The following OR51B5 variants were observed in gnomAD, a reference collection of about 807,000 sequenced individuals.
The protein encoded by OR51B5 is olfactory receptor 51B5.
For missense variants in OR51B5, 456 were observed against 374.6 expected, an observed-to-expected ratio of 1.22 and a Z score of -1.79; for synonymous variants, 186 against 144.8, an observed-to-expected ratio of 1.28 and a Z score of -2.04.
intron 1 of OR51B5, among the ~76,000 whole-genome samples, chr11:5,498,399 ACTTAAT>A (rs368572735): frequency 1.6e-4 from 24 of 152,224 alleles, no homozygotes; most frequent in East Asian, 5.8e-4. Context: ...GAAACATCAC[ACTTAAT>A]CTTAATCTTA....
chr11:5,341,771 A>G (rs1373898735), downstream of OR51B5, among the ~76,000 whole-genome samples: 2 of 152,068 alleles, frequency 1.3e-5, no homozygotes, highest in Admixed American at 1.3e-4. Flanking sequence ...TGTCTCTTCC[A>G]CTAATTTGGA....
chr11:5,347,112 C>T (rs138423109), upstream of OR51B5, among the ~76,000 whole-genome samples: 893 of 152,270 alleles, frequency 5.9e-3, 7 homozygotes, highest in African/African-American at 0.02. Flanking sequence ...AATCAAGCCA[C>T]TGGTAGGACC....
chr11:5,452,921 G>A (rs1850879212), intron 1 of OR51B5, among the ~76,000 whole-genome samples: 1 of 152,154 alleles, frequency 6.6e-6, no homozygotes, highest in Admixed American at 6.5e-5. Context: ...GACTGCCTCT[G>A]GAGGCAGTCA....
intron 1 of OR51B5, among the ~76,000 whole-genome samples, chr11:5,419,365 T>C (rs1411610188): frequency 2.0e-5 from 3 of 152,322 alleles, no homozygotes; most frequent in Non-Finnish European, 2.9e-5. Flanking sequence ...GCTTTGGAAT[T>C]CAACAGAACT....
At position 5,454,049 on chromosome 11, in the gene OR51B5, T is replaced by C. The variant is rs10450604; in HGVS notation, n.84+51520A>G. The C allele has an allele frequency of 1.7e-5, 28 of 1,614,180 alleles. No homozygotes were observed. The African/African-American group carries it at 3.6e-4, about 21-fold the overall frequency. On this transcript the variant is annotated intron_variant and non_coding_transcript_variant, in intron 1 of 4. Transcript: ENST00000415970. Reference sequence around the variant, plus strand: ...GCCTGCACCCAGACATGATGAGGCTTGCCTGTGCTGATATCAGTATCAACA... The same window carrying C: ...GCCTGCACCCAGACATGATGAGGCTCGCCTGTGCTGATATCAGTATCAACA...
intron 1 of OR51B5, among the ~76,000 whole-genome samples, chr11:5,495,909 T>C (rs1049134335): frequency 3.3e-5 from 5 of 152,308 alleles, no homozygotes; most frequent in Non-Finnish European, 7.4e-5. Context: ...ATAAAATTTG[T>C]AAGCAAAATA....
intron 1 of OR51B5, among the ~76,000 whole-genome samples, chr11:5,386,613 TAG>T (rs1849699478): frequency 6.6e-6 from 1 of 151,982 alleles, no homozygotes; most frequent in South Asian, 2.1e-4. Flanking sequence ...CAGTGATTCA[TAG>T]AGTTAGTACT....
chr11:5,485,595 C>T (rs958740501), intron 1 of OR51B5, among the ~76,000 whole-genome samples: 1 of 152,164 alleles, frequency 6.6e-6, no homozygotes, highest in Non-Finnish European at 1.5e-5. Flanking sequence ...CTTGCCTATG[C>T]TCCTTGCACC....
chr11:5,346,794 A>G (rs1016763676), upstream of OR51B5: 1 of 152,140 alleles, frequency 6.6e-6, no homozygotes, highest in African/African-American at 2.4e-5. Flanking sequence ...TACACTCTTT[A>G]TATATCTAGG....
chr11:5,396,467 G>A lies in OR51B5; in HGVS notation n.85-49557C>T, dbSNP rs150687544. Reference sequence around the variant, plus strand: ...TGAACTCCCATTCACAATTGCTTCAGAGAGAATATAATACCTAGGAATCCA... The same window carrying A: ...TGAACTCCCATTCACAATTGCTTCAAAGAGAATATAATACCTAGGAATCCA... On this transcript the variant is annotated intron_variant and non_coding_transcript_variant, in intron 1 of 4. Transcript: ENST00000415970. 5.9e-5 allele frequency among the ~76,000 whole-genome samples: 9 copies of A among 152,102 alleles called. 1 individual carries two copies. Among genetic ancestry groups the A allele is most frequent in the Admixed American group, 3.3e-4 (5 of 15,262 alleles).
chr11:5,346,668 G>C (rs1320578104), upstream of OR51B5, among the ~76,000 whole-genome samples: 4 of 152,194 alleles, frequency 2.6e-5, no homozygotes, highest in African/African-American at 9.7e-5. Context: ...AATTGCTTTT[G>C]AAGTTCTATC....
chr11:5,370,997 A>G (rs1443229736), intron 1 of OR51B5, among the ~76,000 whole-genome samples: 1 of 152,166 alleles, frequency 6.6e-6, no homozygotes, highest in Non-Finnish European at 1.5e-5. Context: ...TTCAGGAAAA[A>G]GACTTACACA....
intron 1 of OR51B5, among the ~76,000 whole-genome samples, chr11:5,368,503 G>A (rs539207184): frequency 1.3e-5 from 2 of 152,252 alleles, no homozygotes; most frequent in African/African-American, 4.8e-5. Context: ...TTGTGAAAAT[G>A]AGACAATTTG....
chr11:5,358,880 C>T (rs1197430699), intron 1 of OR51B5, among the ~76,000 whole-genome samples: 1 of 151,744 alleles, frequency 6.6e-6, no homozygotes, highest in African/African-American at 2.4e-5. Context: ...TAAACAGAAC[C>T]AAAGACAAAA....
rs16930165 is a variant in OR51B5 at position 5,370,940 on chromosome 11, C to T, written n.85-24030G>A. 6.0e-3 allele frequency among the ~76,000 whole-genome samples: 913 copies of T among 152,216 alleles called. 13 individuals carry two copies. The highest frequency in any genetic ancestry group is 0.02 in the African/African-American group (834 of 41,532). The stretch of plus-strand genomic sequence containing the variant: ...TGCCATAGTGGTATTGGTCCTGGAG[C>T]TCTGGTTCAATGAGCAGACAGAAGG... On this transcript the variant is annotated intron_variant and non_coding_transcript_variant, in intron 1 of 4. Transcript: ENST00000415970.
Position 5,395,896 on chromosome 11 carries a change from C to G in OR51B5, n.85-48986G>C, listed in dbSNP as rs764368392. Among the ~76,000 whole-genome samples, 7 of 152,144 alleles carry G rather than the reference C, an allele frequency of 4.6e-5. No homozygotes were observed. The South Asian group carries it at 1.4e-3, about 31-fold the overall frequency. On this transcript the variant is annotated intron_variant and non_coding_transcript_variant, in intron 1 of 4. Transcript: ENST00000415970. The stretch of plus-strand genomic sequence containing the variant: ...CACTGCAACATTGCTCACTGGAATG[C>G]TGGAAAGTACAACTAATAAAATGTG...
intron 1 of OR51B5, among the ~76,000 whole-genome samples, chr11:5,436,863 T>A (rs1850602341): frequency 6.6e-6 from 1 of 150,660 alleles, no homozygotes; most frequent in Non-Finnish European, 1.5e-5. Context: ...TTGAGGGAGC[T>A]TTGTGAAGTG....
intron 1 of OR51B5, among the ~76,000 whole-genome samples, chr11:5,426,313 C>T (rs1346927901): frequency 1.3e-5 from 2 of 151,960 alleles, no homozygotes; most frequent in Non-Finnish European, 2.9e-5. Flanking sequence ...ATGCACTTAC[C>T]AAAATCTATG....
At chr11:5,420,761 G>A (rs1354789515) in intron 1 of OR51B5, among the ~76,000 whole-genome samples, 6 of 151,584 alleles carry the variant, frequency 4.0e-5, no homozygotes, top group South Asian at 2.1e-4. Context: ...TAGTTTTGTG[G>A]GAATTGAGAG....
Sources: gnomAD v4.1 joint callset for allele counts (sites outside exome capture counted in the v4.1 genomes callset) on GRCh38, gnomAD v4.1.1 for gene constraint, MANE v1.5 for transcripts, NCBI Gene and HGNC (gene_info 2026-07-23, HGNC 2026-07-21) for gene names.